Variants in PSMA1 observed in about 807,000 individuals in gnomAD.
The protein encoded by PSMA1 is proteasome subunit alpha type-1.
PSMA1 carries 3 observed loss-of-function variants against 38.4 expected under a neutral mutation model. The observed-to-expected ratio is 0.08, with a 90% CI of 0.04 to 0.20. The LOEUF (loss-of-function observed/expected upper bound fraction) is 0.20. PSMA1 is among the 10% of genes least tolerant of loss of function. The pLI is 1.00. For synonymous variants in PSMA1, 101 were observed against 107.1 expected (o/e 0.94, Z 0.35); for missense variants, 227 against 325.3 (o/e 0.70, Z 2.32).
chr11:14,642,598 C>G (rs141657754), intron 1 of PSMA1, among the ~76,000 whole-genome samples: 3 of 152,228 alleles, frequency 2.0e-5, no homozygotes, highest in Non-Finnish European at 4.4e-5. Flanking sequence ...GTGGGATTTA[C>G]CACACAGTAA....
chr11:14,519,910 G>A (rs539667843), intron 1 of PSMA1: 1 of 222,232 alleles, frequency 4.5e-6, no homozygotes, highest in African/African-American at 2.3e-5. Flanking sequence ...CAAACCTGGG[G>A]GTCAAGTCCG....
intron 2 of PSMA1, chr11:14,610,954 A>C: frequency 6.2e-7 from 1 of 1,612,760 alleles, no homozygotes; most frequent in Non-Finnish European, 8.5e-7. Context: ...CAAAAAGCAA[A>C]GATATTCTCA....
chr11:14,517,525 TC>T, intron 4 of PSMA1, 116 bp downstream of exon 4: 1 of 855,904 alleles, frequency 1.2e-6, no homozygotes, highest in Non-Finnish European at 1.8e-6. Context: ...GTATTCATAA[TC>T]TTAATTTACA....
chr11:14,561,329 T>C lies in PSMA1; in HGVS notation c.22-42288A>G, dbSNP rs184350792. ...GCTGCTTTATAACATTACCTGAGAC[T>C]GTCCAGTCCACTATCTATACATCTC... On this transcript the variant is annotated intron_variant, in intron 2 of 10. Transcript: ENST00000418988. Among the ~76,000 whole-genome samples the C allele has an allele frequency of 2.0e-5, 3 of 152,314 alleles. No individual in the cohort carries two copies. In the East Asian group the frequency reaches 5.8e-4, roughly 29 times the overall value.
intron 1 of PSMA1, among the ~76,000 whole-genome samples, chr11:14,612,595 G>T (rs925424844): frequency 1.3e-5 from 2 of 152,096 alleles, no homozygotes; most frequent in African/African-American, 4.8e-5. Context: ...TATTGTGCTA[G>T]GTGAAAAGAA....
rs369511302 is a variant in PSMA1, at chr11:14,549,245, C to A, written c.22-30204G>T. ...AAATCTTCTGGATATGGATTAACCT[C>A]CTTTGCTCAATATTTGTTATTGTTT... On this transcript the variant is annotated intron_variant, in intron 2 of 10. Transcript: ENST00000418988. Among the ~76,000 whole-genome samples, 119 of 152,238 alleles carry A rather than the reference C, an allele frequency of 7.8e-4. 1 individual carries two copies. Among genetic ancestry groups the A allele is most frequent in the South Asian group, 5.2e-3 (25 of 4,826 alleles).
At chr11:14,505,965 G>C (rs964598912) in intron 9 of PSMA1, among the ~76,000 whole-genome samples, 6 of 152,114 alleles carry the variant, frequency 3.9e-5, no homozygotes, top group African/African-American at 1.4e-4. Flanking sequence ...GAGCTATGAT[G>C]GCACCACTGC....
rs538812382 is a variant in PSMA1, at chr11:14,629,912, T to C, written c.-166+13543A>G. On this transcript the variant is annotated intron_variant, in intron 1 of 10. Coordinates refer to the PSMA1 transcript ENST00000418988. The stretch of plus-strand genomic sequence containing the variant: ...CCTTGTAAGTTGGATTGCTAGGTAT[T>C]TTATTCTCTTTGAAGCAACTGTGAA... 1.1e-3 allele frequency among the ~76,000 whole-genome samples: 164 copies of C among 152,216 alleles called. 1 individual carries two copies. The highest frequency in any genetic ancestry group is 3.7e-3 in the African/African-American group (154 of 41,514).
intron 2 of PSMA1, among the ~76,000 whole-genome samples, chr11:14,574,605 G>T (rs1852190501): frequency 6.6e-6 from 1 of 152,110 alleles, no homozygotes; most frequent in African/African-American, 2.4e-5. Context: ...GAATGATGGG[G>T]GTGGTTACCC....
intron 1 of PSMA1, among the ~76,000 whole-genome samples, chr11:14,632,662 G>A (rs1209922725): frequency 8.8e-5 from 13 of 146,920 alleles, no homozygotes; most frequent in Admixed American, 7.4e-4. Context: ...TGCTCTTCTC[G>A]AGGAGTATCT....
At chr11:14,506,786 C>T (rs886177040) in intron 9 of PSMA1, among the ~76,000 whole-genome samples, 1 of 152,148 alleles carries the variant, frequency 6.6e-6, no homozygotes, top group Non-Finnish European at 1.5e-5. Flanking sequence ...GAATGCCTGG[C>T]GGCTTTCACT....
upstream of PSMA1, among the ~76,000 whole-genome samples, chr11:14,522,928 T>C (rs562092177): frequency 6.6e-6 from 1 of 152,222 alleles, no homozygotes. Context: ...TACTGAGATA[T>C]TCCTAGTACC....
chr11:14,641,659 C>T (rs967835784), intron 1 of PSMA1, among the ~76,000 whole-genome samples: 1 of 152,128 alleles, frequency 6.6e-6, no homozygotes, highest in African/African-American at 2.4e-5. Flanking sequence ...ATCTTGAAGA[C>T]GATTTTGTGA....
chr11:14,587,599 C>CT (rs1335489793), intron 2 of PSMA1, among the ~76,000 whole-genome samples: 64 of 138,612 alleles, frequency 4.6e-4, no homozygotes, highest in Admixed American at 9.3e-4. Context: ...TTTTTTTTGT[C>CT]TTTTTTTTTC....
intron 2 of PSMA1, among the ~76,000 whole-genome samples, chr11:14,593,952 T>C (rs1013234974): frequency 6.6e-6 from 1 of 152,204 alleles, no homozygotes; most frequent in African/African-American, 2.4e-5. Flanking sequence ...GCTGTAGGAA[T>C]GAATAGGTTG....
rs1049786246 is a variant in PSMA1 at position 14,534,967 on chromosome 11, G to C, written c.22-15926C>G. On this transcript the variant is annotated intron_variant, in intron 2 of 10. Transcript: ENST00000418988. The surrounding 1 kb of genome is among the most constrained non-coding windows in gnomAD (Gnocchi z 4.5). ...CAGACGCCTGTAATCCCAGCTACTC[G>C]GGAGGCTGAGGCAGGAGAATTGCTT... Among the ~76,000 whole-genome samples the C allele has an allele frequency of 6.6e-6, 1 of 151,990 alleles. No homozygotes were observed. The highest frequency in any genetic ancestry group is 6.6e-5 in the Admixed American group (1 of 15,254).
chr11:14,555,919 A>C (rs1851936673), intron 2 of PSMA1, among the ~76,000 whole-genome samples: 1 of 152,220 alleles, frequency 6.6e-6, no homozygotes, highest in East Asian at 1.9e-4. Flanking sequence ...ATTTCTCCCT[A>C]GCCCTCTAAC....
chr11:14,506,103 G>C (rs1851239122), intron 9 of PSMA1, among the ~76,000 whole-genome samples: 1 of 152,140 alleles, frequency 6.6e-6, no homozygotes, highest in African/African-American at 2.4e-5. Context: ...GCTATCAGAA[G>C]ATTTTTAGGA....
intron 2 of PSMA1, 47 bp from the exon 3 acceptor site, chr11:14,518,028 T>A (rs564098780): frequency 1.5e-6 from 2 of 1,369,962 alleles, no homozygotes; most frequent in South Asian, 2.7e-5. Flanking sequence ...AGATCTTTTA[T>A]AAATTAAAAA....
Sources: gnomAD v4.1 joint callset for allele counts (sites outside exome capture counted in the v4.1 genomes callset) on GRCh38, gnomAD v4.1.1 for gene constraint, Gnocchi (gnomAD v3.1) non-coding constraint, MANE v1.5 for transcripts, NCBI Gene and HGNC (gene_info 2026-07-23, HGNC 2026-07-21) for gene names.